Variants in CDC14A observed in about 807,000 individuals in gnomAD.
The protein encoded by CDC14A is cell division cycle 14A.
In CDC14A, 53 loss-of-function variants were observed where a neutral mutation model predicts 74.4. That is an observed-to-expected ratio of 0.71 (90% CI 0.57 to 0.89). The LOEUF (loss-of-function observed/expected upper bound fraction) is 0.89. Among genes scored for constraint, CDC14A ranks in the 40% least tolerant of loss-of-function variants. CDC14A has a pLI of 0.00. For missense variants in CDC14A, 646 were observed against 713.7 expected (o/e 0.91, Z 1.08); for synonymous variants, 247 against 258.4 (o/e 0.96, Z 0.43).
At chr1:100,458,112 T>G (rs1214162066) in intron 8 of CDC14A, among the ~76,000 whole-genome samples, 2 of 152,204 alleles carry the variant, frequency 1.3e-5, no homozygotes, top group East Asian at 3.8e-4. Flanking sequence ...CATCATCTAT[T>G]TAATGATCAG....
chr1:100,508,713 T>C lies in CDC14A; in HGVS notation c.1755+9451T>C, dbSNP rs888409514. Among the ~76,000 whole-genome samples, 6 of 152,182 alleles carry C rather than the reference T, an allele frequency of 3.9e-5. No individual in the cohort carries two copies. Among genetic ancestry groups the C allele is most frequent in the African/African-American group, 7.2e-5 (3 of 41,442 alleles). On this transcript the variant is annotated intron_variant, in intron 15 of 15. Transcript: ENST00000336454. The surrounding 1 kb of genome is among the most constrained non-coding windows in gnomAD (Gnocchi z 4.4). ...CAATTTCTCTCAGCCTCCTTCCCCA[T>C]GTGGGAGAGCCTGACTCCACCCCTG...
At chr1:100,418,653 G>C (rs916125934) in intron 4 of CDC14A, among the ~76,000 whole-genome samples, 5 of 152,062 alleles carry the variant, frequency 3.3e-5, no homozygotes, top group Non-Finnish European at 4.4e-5. Context: ...CGGTGATAAG[G>C]GTTTGGATAA....
intron 2 of CDC14A, among the ~76,000 whole-genome samples, chr1:100,354,904 C>T (rs1377079830): frequency 1.3e-5 from 2 of 152,190 alleles, no homozygotes; most frequent in African/African-American, 4.8e-5. Flanking sequence ...CCTTCAAGAG[C>T]ATATCTTTTA....
At position 100,354,510 on chromosome 1, in the gene CDC14A, GTAAAA is replaced by G. The variant is rs376042704; in HGVS notation, c.140+664_140+668del. ...TTCTGTGGGATTAGGATTTGAGAGT[GTAAAA>G]TAAAAGTAGGGAACTGTTTTCTGTG... On this transcript the variant is annotated intron_variant, in intron 2 of 15. Coordinates refer to ENST00000336454, the MANE Select transcript of CDC14A (RefSeq NM_003672.4). Among the ~76,000 whole-genome samples, 774 of 152,298 alleles carry G rather than the reference GTAAAA, an allele frequency of 5.1e-3. 7 individuals carry two copies. The highest frequency in any genetic ancestry group is 0.018 in the African/African-American group (741 of 41,562).
chr1:100,382,211 CTT>C (rs557184435), intron 3 of CDC14A, among the ~76,000 whole-genome samples: 10 of 105,138 alleles, frequency 9.5e-5, no homozygotes, highest in African/African-American at 3.1e-4. Context: ...TTCCTCTATT[CTT>C]TTTTTTTTTT....
chr1:100,412,710 A>ATATATATATATTTTATATATATTT (rs1553178942), intron 4 of CDC14A, among the ~76,000 whole-genome samples: 1 of 96,048 alleles, frequency 1.0e-5, no homozygotes, highest in Non-Finnish European at 1.8e-5. Context: ...ATATATATAT[A>ATATATATATATTTTATATATATTT]TATATATATA....
At chr1:100,393,021 G>A (rs1472790809) in intron 4 of CDC14A, 14 of 1,346,582 alleles carry the variant, frequency 1.0e-5, no homozygotes, top group South Asian at 6.3e-5. Context: ...TTCTACCCGC[G>A]AAATTGTCTT....
chr1:100,434,649 G>A (rs763293531), intron 5 of CDC14A, among the ~76,000 whole-genome samples: 61 of 152,192 alleles, frequency 4.0e-4, no homozygotes, highest in Non-Finnish European at 5.6e-4. Context: ...GGAAAGAAAG[G>A]TGAGACTTCT....
At chr1:100,363,767 G>A (rs910032603) in intron 2 of CDC14A, among the ~76,000 whole-genome samples, 1 of 152,124 alleles carries the variant, frequency 6.6e-6, no homozygotes, top group Non-Finnish European at 1.5e-5. Flanking sequence ...AGCTTCTACA[G>A]AGAATTGGAA....
chr1:100,360,249 G>T (rs776171878), intron 2 of CDC14A, among the ~76,000 whole-genome samples: 1 of 151,432 alleles, frequency 6.6e-6, no homozygotes, highest in Admixed American at 6.6e-5. Flanking sequence ...ACTGTGCCTA[G>T]CCTTTTTCAC....
intron 7 of CDC14A, among the ~76,000 whole-genome samples, chr1:100,450,844 G>A (rs1040269174): frequency 2.6e-5 from 4 of 152,038 alleles, no homozygotes; most frequent in Admixed American, 2.0e-4. Flanking sequence ...GAGCAGTCTC[G>A]ACTCTAATTA....
chr1:100,350,645 ATTTAC>A (rs1650874487), upstream of CDC14A, among the ~76,000 whole-genome samples: 1 of 150,892 alleles, frequency 6.6e-6, no homozygotes, highest in Admixed American at 6.6e-5. Context: ...TCATTAGACT[ATTTAC>A]TTTGTGCAAT....
Position 100,518,844 on chromosome 1 carries a change from A to G in CDC14A, c.*564A>G, listed in dbSNP as rs1650443047. 6.5e-6 allele frequency: 1 copy of G among 152,682 alleles called. No individual in the cohort carries two copies. Among genetic ancestry groups the G allele is most frequent in the Admixed American group, 6.5e-5 (1 of 15,270 alleles). 9.5% of individuals were successfully genotyped at this position (152,682 alleles called of 1,614,324 possible). A position where few individuals can be genotyped will look rare whatever the true frequency, so the allele number is the denominator to read the frequency against. ...AGTGATTTTTATGCTCGCACTATAA[A>G]TATGGCAGGTCAGTTCATTCTTTTG... On this transcript the variant is annotated 3_prime_UTR_variant, in exon 16 of 16. Coordinates refer to ENST00000336454, the MANE Select transcript of CDC14A (RefSeq NM_003672.4).
At chr1:100,517,931 AACTC>A (rs1168348111) in intron 15 of CDC14A, among the ~76,000 whole-genome samples, 5 of 152,204 alleles carry the variant, frequency 3.3e-5, no homozygotes, top group African/African-American at 1.2e-4. Flanking sequence ...TGTTAAGTAA[AACTC>A]ATTAATTGTA....
intron 5 of CDC14A, among the ~76,000 whole-genome samples, chr1:100,426,434 T>TA (rs1662968308): frequency 6.6e-6 from 1 of 152,114 alleles, no homozygotes; most frequent in Admixed American, 6.6e-5. Flanking sequence ...TTTAAAATAA[T>TA]AATACCAGAA....
Position 100,352,657 on chromosome 1 carries a change from C to T in CDC14A, c.-298C>T. 1 of 1,271,090 alleles carries T rather than the reference C, an allele frequency of 7.9e-7. No individual in the cohort carries two copies. Among genetic ancestry groups the T allele is most frequent in the Non-Finnish European group, 9.9e-7 (1 of 1,007,558 alleles). 78.7% of individuals were successfully genotyped at this position (1,271,090 alleles called of 1,614,324 possible). ...TGCCCTGAGAGCTGGTCTGCGTTTCCCAGGCGCGGCGGCGGCGGAGCAGCA... is the reference window on the plus strand; with the variant it reads ...TGCCCTGAGAGCTGGTCTGCGTTTCTCAGGCGCGGCGGCGGCGGAGCAGCA... On this transcript the variant is annotated 5_prime_UTR_variant, in exon 1 of 16. Transcript: ENST00000336454.
intron 5 of CDC14A, among the ~76,000 whole-genome samples, chr1:100,430,479 C>T (rs1310624409): frequency 6.6e-6 from 1 of 152,128 alleles, no homozygotes; most frequent in Admixed American, 6.5e-5. Flanking sequence ...AATGGGAAAT[C>T]TCAAAAGTAA....
chr1:100,486,249 T>C (rs969315002), intron 11 of CDC14A, among the ~76,000 whole-genome samples: 1 of 152,198 alleles, frequency 6.6e-6, no homozygotes, highest in Non-Finnish European at 1.5e-5. Flanking sequence ...ATAATCTTGA[T>C]TAAGTTAACA....
intron 5 of CDC14A, among the ~76,000 whole-genome samples, chr1:100,438,802 G>A (rs1196592832): frequency 1.3e-5 from 2 of 152,226 alleles, no homozygotes; most frequent in Non-Finnish European, 2.9e-5. Flanking sequence ...ACCTTGAATG[G>A]TTGTAAAAGT....
Sources: allele counts gnomAD v4.1 joint callset (sites outside exome capture counted in the v4.1 genomes callset), GRCh38; gene constraint gnomAD v4.1.1; non-coding constraint Gnocchi (gnomAD v3.1); transcripts MANE v1.5; gene names NCBI Gene and HGNC (gene_info 2026-07-23, HGNC 2026-07-21).